Variants in FRS2 observed in about 807,000 individuals in gnomAD.
FRS2 encodes FGFR signalling adaptor.
In FRS2, 8 loss-of-function variants were observed where a neutral mutation model predicts 43.9. That is an observed-to-expected ratio of 0.18 (90% confidence interval 0.11 to 0.33). FRS2 has a LOEUF of 0.33. Ranked by LOEUF, FRS2 falls within the 10% of genes least tolerant of loss-of-function variation. The probability of loss-of-function intolerance (pLI) is 1.00; values close to 1 mark genes in which losing one functional copy is unlikely to be tolerated. For synonymous variants in FRS2, 219 were observed against 220.3 expected (o/e 0.99, Z 0.05); for missense variants, 534 against 627.6 (o/e 0.85, Z 1.59).
chr12:69,525,358 T>C lies in FRS2; in HGVS notation c.-260-5507T>C, dbSNP rs552573746. Among the ~76,000 whole-genome samples, 3 of 152,260 alleles carry C rather than the reference T, an allele frequency of 2.0e-5. No individual in the cohort carries two copies. In the East Asian group the frequency reaches 5.8e-4, roughly 29 times the overall value. ...AGAAAGATGAGACAAACATTGACTA[T>C]AGAGAGACTGTGTGTATGATAAAGT... On this transcript the variant is annotated intron_variant, in intron 1 of 8. Coordinates refer to ENST00000549921, the MANE Select transcript of FRS2 (RefSeq NM_001278356.2).
chr12:69,551,988 G>A (rs1333919907), intron 3 of FRS2, among the ~76,000 whole-genome samples: 11 of 151,924 alleles, frequency 7.2e-5, no homozygotes, highest in East Asian at 3.9e-4. Context: ...TTTCTCAGTG[G>A]TATATAAAAT....
At chr12:69,484,992 T>G (rs1871701879) in intron 1 of FRS2, among the ~76,000 whole-genome samples, 1 of 151,506 alleles carries the variant, frequency 6.6e-6, no homozygotes, top group African/African-American at 2.4e-5. Context: ...GCACCTGTGG[T>G]CCCAGCTACT....
At chr12:69,540,286 A>T (rs1877772788) in intron 3 of FRS2, among the ~76,000 whole-genome samples, 1 of 151,778 alleles carries the variant, frequency 6.6e-6, no homozygotes, top group African/African-American at 2.4e-5. Context: ...AAAATTAAAA[A>T]ATAAAAATAA....
intron 1 of FRS2, among the ~76,000 whole-genome samples, chr12:69,507,692 T>C (rs1447939018): frequency 6.6e-6 from 1 of 152,166 alleles, no homozygotes; most frequent in Non-Finnish European, 1.5e-5. Flanking sequence ...TTAATTCGAT[T>C]ATATTTAGTT....
intron 3 of FRS2, among the ~76,000 whole-genome samples, chr12:69,535,542 A>G (rs963090087): frequency 6.6e-6 from 1 of 152,070 alleles, no homozygotes; most frequent in African/African-American, 2.4e-5. Context: ...ATATGGAGGG[A>G]AATGAAAGGA....
At chr12:69,557,619 T>TGTGTGCGCGCGCGC (rs1555192498) in intron 3 of FRS2, among the ~76,000 whole-genome samples, 5 of 119,026 alleles carry the variant, frequency 4.2e-5, no homozygotes, top group African/African-American at 1.4e-4. Context: ...TGTGTGTGTG[T>TGTGTGCGCGCGCGC]GCGCGCGCGC....
At chr12:69,535,066 T>C (rs1325408032) in intron 3 of FRS2, among the ~76,000 whole-genome samples, 2 of 152,212 alleles carry the variant, frequency 1.3e-5, no homozygotes, top group African/African-American at 2.4e-5. Flanking sequence ...ATTTGGAAAT[T>C]CCTAAAAATG....
At chr12:69,547,599 A>G (rs1878519188) in intron 3 of FRS2, among the ~76,000 whole-genome samples, 1 of 152,206 alleles carries the variant, frequency 6.6e-6, no homozygotes, top group Non-Finnish European at 1.5e-5. Context: ...ACCCAGTGGA[A>G]TGCAGTTGAT....
At chr12:69,572,065 T>G in intron 7 of FRS2, 53 bp from the exon 8 acceptor site, 2 of 1,442,886 alleles carry the variant, frequency 1.4e-6, no homozygotes, top group Non-Finnish European at 1.9e-6. Flanking sequence ...TTACTCATTT[T>G]TATTCTCTCT....
intron 3 of FRS2, among the ~76,000 whole-genome samples, chr12:69,547,857 G>A (rs1370122103): frequency 4.3e-5 from 1 of 23,354 alleles, no homozygotes; most frequent in Non-Finnish European, 1.1e-4. Context: ...TTTTTTTTTT[G>A]TGAGTCAGGG....
At chr12:69,537,736 G>A (rs1373331446) in intron 3 of FRS2, among the ~76,000 whole-genome samples, 3 of 151,924 alleles carry the variant, frequency 2.0e-5, no homozygotes, top group East Asian at 3.9e-4. Context: ...TAATAATAAT[G>A]TCTTTGAATA....
At chr12:69,523,812 AT>A (rs1165013180) in intron 1 of FRS2, among the ~76,000 whole-genome samples, 7 of 152,084 alleles carry the variant, frequency 4.6e-5, no homozygotes, top group African/African-American at 1.7e-4. Flanking sequence ...AAATGATCTT[AT>A]TTCTCCTTCA....
At chr12:69,521,672 G>A (rs1875655971) in intron 1 of FRS2, among the ~76,000 whole-genome samples, 1 of 152,072 alleles carries the variant, frequency 6.6e-6, no homozygotes, top group Non-Finnish European at 1.5e-5. Flanking sequence ...CTGGAGTGCA[G>A]TGGTGCGATT....
chr12:69,478,210 C>T (rs1057436485), intron 1 of FRS2, among the ~76,000 whole-genome samples: 2 of 151,782 alleles, frequency 1.3e-5, no homozygotes, highest in East Asian at 1.9e-4. Flanking sequence ...GGATTTAATC[C>T]GTTAAAATTT....
intron 3 of FRS2, among the ~76,000 whole-genome samples, chr12:69,536,120 TTTTTTTTTTTTTTTTTTTTTTG>T (rs1179650552): frequency 3.6e-4 from 21 of 58,636 alleles, no homozygotes; most frequent in African/African-American, 6.1e-4. Context: ...TTTTTTTTTT[TTTTTTTTTTTTTTTTTTTTTTG>T]GAGACGAAGT....
At chr12:69,505,916 C>T (rs1007442166) in intron 1 of FRS2, among the ~76,000 whole-genome samples, 1 of 152,116 alleles carries the variant, frequency 6.6e-6, no homozygotes, top group East Asian at 1.9e-4. Context: ...TTATTTTCAC[C>T]TTTGGTTGAT....
intron 1 of FRS2, among the ~76,000 whole-genome samples, chr12:69,488,719 T>C (rs1041374616): frequency 6.6e-6 from 1 of 152,254 alleles, no homozygotes; most frequent in African/African-American, 2.4e-5. Flanking sequence ...TGAATCTTTT[T>C]GAACTTTTCA....
At chr12:69,567,921 T>G (rs931591707) in intron 4 of FRS2, among the ~76,000 whole-genome samples, 2 of 152,240 alleles carry the variant, frequency 1.3e-5, no homozygotes, top group Non-Finnish European at 2.9e-5. Flanking sequence ...GAGTTTATAC[T>G]GTTAAACTGA....
At position 69,485,232 on chromosome 12, in the gene FRS2, G is replaced by C. The variant is rs951420892; in HGVS notation, c.-261+14702G>C. Among the ~76,000 whole-genome samples the C allele has an allele frequency of 2.0e-5, 3 of 152,104 alleles. No individual in the cohort carries two copies. The East Asian group carries it at 5.8e-4, about 29-fold the overall frequency. Reference sequence around the variant, plus strand: ...GAGTCTCGCTCTGTCCCCCAGGCTGGAGTGCAGTGGCGCCGTCTCCGCTCA... The same window carrying C: ...GAGTCTCGCTCTGTCCCCCAGGCTGCAGTGCAGTGGCGCCGTCTCCGCTCA... On this transcript the variant is annotated intron_variant, in intron 1 of 8. Coordinates refer to ENST00000549921, the MANE Select transcript of FRS2 (RefSeq NM_001278356.2).
Sources: allele counts gnomAD v4.1 joint callset (sites outside exome capture counted in the v4.1 genomes callset), GRCh38; gene constraint gnomAD v4.1.1; transcripts MANE v1.5; gene names NCBI Gene and HGNC (gene_info 2026-07-23, HGNC 2026-07-21).